RNF4: variants seen among roughly 807,000 people sequenced by gnomAD.
RNF4 encodes E3 ubiquitin-protein ligase RNF4.
Under a neutral mutation model 24.3 loss-of-function variants are expected in RNF4, and 7 were observed. The ratio of observed to expected loss-of-function variants is 0.29; its 90% confidence interval spans 0.16 to 0.54. The LOEUF (loss-of-function observed/expected upper bound fraction) is 0.54. Ranked by LOEUF, RNF4 falls within the 20% of genes least tolerant of loss-of-function variation. RNF4 has a pLI of 0.95. For synonymous variants in RNF4, 83 were observed against 84.3 expected (o/e 0.98, Z 0.09); for missense variants, 209 against 248.5 (o/e 0.84, Z 1.07).
At chr4:2,495,915 GC>G (rs1735724470) in intron 2 of RNF4, among the ~76,000 whole-genome samples, 1 of 152,230 alleles carries the variant, frequency 6.6e-6, no homozygotes, top group Non-Finnish European at 1.5e-5. Context: ...ACAGGCCTGA[GC>G]CACTGCGCCT....
chr4:2,487,829 C>T (rs1199663411), intron 1 of RNF4, among the ~76,000 whole-genome samples: 1 of 152,180 alleles, frequency 6.6e-6, no homozygotes, highest in Non-Finnish European at 1.5e-5. Flanking sequence ...GATTTCCCCT[C>T]TAAACCATTG....
Position 2,497,060 on chromosome 4 carries a change from G to C in RNF4, c.63G>C (p.Arg21=). 1 of 1,609,660 alleles carries C rather than the reference G, an allele frequency of 6.2e-7. No homozygotes were observed. The highest frequency in any genetic ancestry group is 8.5e-7 in the Non-Finnish European group (1 of 1,178,146). ...CTAGACAAGCTCAGAAGCGAACTCG[G>C]GAAGCAACCTCCACCCCCGAGATCT... ...INSRQAQKRT[R]EATSTPEISL... is the part of the protein sequence containing the mutation. Residue 21 remains arginine, a synonymous_variant, in exon 3 of 8, where the codon CGG becomes CGC. Transcript: ENST00000314289.
Position 2,490,343 on chromosome 4 carries a change from A to G in RNF4, c.-151A>G. 1.5e-6 allele frequency: 1 copy of G among 671,686 alleles called. No homozygotes were observed. The highest frequency in any genetic ancestry group is 2.5e-6 in the Non-Finnish European group (1 of 396,944). 41.6% of individuals were successfully genotyped at this position (671,686 alleles called of 1,614,324 possible). On this transcript the variant is annotated 5_prime_UTR_variant, in exon 2 of 8. Transcript: ENST00000314289. ...TAATATCTTTGTTTTTCAGGACTTG[A>G]AAATACTGGAAATCTGTCCGGATCC...
intron 1 of RNF4, among the ~76,000 whole-genome samples, chr4:2,475,478 A>G (rs1735043545): frequency 6.6e-6 from 1 of 152,106 alleles, no homozygotes; most frequent in African/African-American, 2.4e-5. Context: ...AGCTGGGACT[A>G]CAGGCACGTG....
At chr4:2,481,756 G>A (rs1389569767) in intron 1 of RNF4, among the ~76,000 whole-genome samples, 1 of 152,140 alleles carries the variant, frequency 6.6e-6, no homozygotes, top group African/African-American at 2.4e-5. Context: ...CACCGAGGCA[G>A]GAGTGCAGTG....
rs1346361343 is a variant in RNF4, at chr4:2,512,308, C to G, written c.215-130C>G. On this transcript the variant is annotated intron_variant, in intron 5 of 7. Transcript: ENST00000314289. This position sits in a 1 kb window ranked among gnomAD's most constrained non-coding sequence, Gnocchi z 4.1. ...CAGAACCTTCTGGGTTATAGCTGAG[C>G]ATGGCAGCAGTTTGTCTCTGGGGGT... The G allele has an allele frequency of 1.6e-5, 17 of 1,094,800 alleles. No homozygotes were observed. In the Middle Eastern group the frequency reaches 1.9e-3, roughly 124 times the overall value. 67.8% of individuals were successfully genotyped at this position (1,094,800 alleles called of 1,614,324 possible). A position where few individuals can be genotyped will look rare whatever the true frequency, so the allele number is the denominator to read the frequency against.
chr4:2,492,632 A>G (rs1393335179), intron 2 of RNF4, among the ~76,000 whole-genome samples: 1 of 152,164 alleles, frequency 6.6e-6, no homozygotes, highest in African/African-American at 2.4e-5. Context: ...AGACTGAACA[A>G]ACAGCTGTCA....
chr4:2,477,102 T>C (rs548664182), intron 1 of RNF4, among the ~76,000 whole-genome samples: 1 of 152,226 alleles, frequency 6.6e-6, no homozygotes, highest in Non-Finnish European at 1.5e-5. Context: ...AACTTTAAGC[T>C]AAATTAATCC....
rs533157386 is a variant in RNF4 at position 2,515,710 on chromosome 4, T to A, written c.*1891T>A. ...TCAGAAACTGCGAACTAGGGAAAGG[T>A]TGGTATGAAGAAATGTCTTTCCTTT... is the stretch of plus-strand genomic sequence containing the variant. On this transcript the variant is annotated 3_prime_UTR_variant, in exon 8 of 8. Coordinates refer to ENST00000314289, the MANE Select transcript of RNF4 (RefSeq NM_002938.5). 4 of 152,714 alleles carry A rather than the reference T, an allele frequency of 2.6e-5. No individual in the cohort carries two copies. The East Asian group carries it at 7.7e-4, about 29-fold the overall frequency. The allele number at this position is 152,714 out of a possible 1,614,324, so 9.5% of individuals were successfully genotyped here. A position where few individuals can be genotyped will look rare whatever the true frequency, so the allele number is the denominator to read the frequency against.
intron 3 of RNF4, chr4:2,499,495 C>A (rs143056788): frequency 3.3e-6 from 1 of 299,982 alleles, no homozygotes; most frequent in Non-Finnish European, 6.6e-6. Flanking sequence ...AGGCTGGTCT[C>A]GAACTCTCAA....
rs770802885 is a variant in RNF4 at position 2,513,689 on chromosome 4, T to C, written c.443T>C (p.Leu148Pro). 6.2e-7 allele frequency: 1 copy of C among 1,613,972 alleles called. No homozygotes were observed. Among genetic ancestry groups the C allele is most frequent in the Non-Finnish European group, 8.5e-7 (1 of 1,179,876 alleles). The change falls in exon 8 of 8, where the codon CTC becomes CCC. Residue 148 changes from leucine to proline, a missense_variant. Physicochemically the swap from Leu to Pro is moderately conservative, Grantham distance 98. Around this residue, in one of 3 missense-constraint regions of RNF4, gnomAD observed 182 missense variants for 197.2 expected, o/e 0.92. Coordinates refer to ENST00000314289, the MANE Select transcript of RNF4 (RefSeq NM_002938.5). Reference sequence around the variant, plus strand: ...TTCTAGATCGTGCAGAATGGACGTCTCATCGTTTCCACAGAATGCGGCCAT... The same window carrying C: ...TTCTAGATCGTGCAGAATGGACGTCCCATCGTTTCCACAGAATGCGGCCAT... ...GYSEIVQNGRLIVSTECGHVF... is the reference protein window; with the variant it reads ...GYSEIVQNGRPIVSTECGHVF...
rs1735139966 is a variant in RNF4, at chr4:2,478,298, G to C, written c.-158+9040G>C. Among the ~76,000 whole-genome samples the C allele has an allele frequency of 2.0e-5, 3 of 152,202 alleles. No individual in the cohort carries two copies. The South Asian group carries it at 6.2e-4, about 31-fold the overall frequency. Reference sequence around the variant, plus strand: ...TTTGCAGCCTCCTGTCAATGTGCTAGAAAATAAAATTCCATTTTCTGAGGG... The same window carrying C: ...TTTGCAGCCTCCTGTCAATGTGCTACAAAATAAAATTCCATTTTCTGAGGG... On this transcript the variant is annotated intron_variant, in intron 1 of 7. Coordinates refer to ENST00000314289, the MANE Select transcript of RNF4 (RefSeq NM_002938.5).
intron 2 of RNF4, 120 bp downstream of exon 2, chr4:2,490,622 A>T (rs960060633): frequency 1.7e-5 from 18 of 1,073,338 alleles, no homozygotes; most frequent in Non-Finnish European, 2.3e-5. Context: ...CCACTTCTTG[A>T]AGGAGTATGT....
chr4:2,500,775 G>A (rs1426913540), intron 4 of RNF4, 37 bp downstream of exon 4: 2 of 1,602,000 alleles, frequency 1.2e-6, no homozygotes, highest in Admixed American at 1.7e-5. Context: ...TGTTTCTTGG[G>A]TATGGGTCCC....
intron 2 of RNF4, among the ~76,000 whole-genome samples, chr4:2,496,573 G>A: frequency 6.6e-6 from 1 of 152,238 alleles, no homozygotes; most frequent in East Asian, 1.9e-4. Context: ...TGATTCTCCT[G>A]CCTCAGCCTC....
intron 3 of RNF4, 49 bp from the exon 4 acceptor site, chr4:2,500,610 C>G (rs1275241613): frequency 2.5e-6 from 4 of 1,587,806 alleles, no homozygotes; most frequent in Non-Finnish European, 3.4e-6. Flanking sequence ...GGGATACAAC[C>G]TTACTTTCCT....
intron 2 of RNF4, among the ~76,000 whole-genome samples, chr4:2,493,808 A>G (rs1398156101): frequency 1.3e-5 from 2 of 151,444 alleles, no homozygotes; most frequent in African/African-American, 4.9e-5. Context: ...GACAAAGGAC[A>G]TTGTCAAAGA....
rs181348747 is a variant in RNF4 at position 2,469,936 on chromosome 4, A to G, written c.-158+678A>G. ...CTCTGGCGCGCCTATAGACAGGTGT[A>G]TGAAGATTCTCACGACCCGAAACAG... On this transcript the variant is annotated intron_variant, in intron 1 of 7. Transcript: ENST00000314289. The G allele has an allele frequency of 6.6e-5, 10 of 152,406 alleles. No individual in the cohort carries two copies. In the East Asian group the frequency reaches 1.9e-3, roughly 29 times the overall value. The allele number at this position is 152,406 out of a possible 1,614,324, so 9.4% of individuals were successfully genotyped here.
chr4:2,507,624 C>T (rs1473581330), intron 4 of RNF4, among the ~76,000 whole-genome samples: 2 of 152,214 alleles, frequency 1.3e-5, no homozygotes, highest in Non-Finnish European at 1.5e-5. Context: ...TGCCAGGGGC[C>T]AGCCTGAGTG....
Sources: allele counts gnomAD v4.1 joint callset (sites outside exome capture counted in the v4.1 genomes callset), GRCh38; gene constraint gnomAD v4.1.1; regional missense constraint gnomAD v4.1.1; non-coding constraint Gnocchi (gnomAD v3.1); transcripts MANE v1.5; gene names NCBI Gene and HGNC (gene_info 2026-07-23, HGNC 2026-07-21).